Variants in DAB1 observed in about 807,000 individuals in gnomAD.
The protein encoded by DAB1 is disabled homolog 1.
DAB1 carries 15 observed loss-of-function variants against 64.6 expected under a neutral mutation model. The observed-to-expected ratio is 0.23, with a 90% CI of 0.16 to 0.36. The LOEUF (loss-of-function observed/expected upper bound fraction) is 0.36. Among genes scored for constraint, DAB1 ranks in the 10% least tolerant of loss-of-function variants. DAB1 has a pLI of 1.00. For synonymous variants in DAB1, 235 were observed against 251.9 expected, an observed-to-expected ratio of 0.93 and a Z score of 0.64; for missense variants, 596 against 706.7, an observed-to-expected ratio of 0.84 and a Z score of 1.78.
At chr1:57,628,490 C>T (rs931335564) in intron 7 of DAB1, among the ~76,000 whole-genome samples, 6 of 152,148 alleles carry the variant, frequency 3.9e-5, no homozygotes, top group Non-Finnish European at 7.3e-5. Context: ...ATCACACATT[C>T]GCTGAGTGGC....
chr1:58,353,275 C>T (rs923340442), intron 3 of DAB1, among the ~76,000 whole-genome samples: 2 of 152,172 alleles, frequency 1.3e-5, no homozygotes, highest in Non-Finnish European at 2.9e-5. Context: ...ACATTTTGAT[C>T]ACCAGGAGAT....
intron 4 of DAB1, among the ~76,000 whole-genome samples, chr1:58,171,889 C>T (rs1257137852): frequency 6.6e-6 from 1 of 152,220 alleles, no homozygotes; most frequent in Non-Finnish European, 1.5e-5. Flanking sequence ...CCCAGCTTTG[C>T]CTACAGCAGG....
chr1:58,511,649 A>T (rs1287357406), intron 2 of DAB1, among the ~76,000 whole-genome samples: 1 of 152,068 alleles, frequency 6.6e-6, no homozygotes, highest in African/African-American at 2.4e-5. Flanking sequence ...ACACACACAC[A>T]CACAAACCCC....
intron 3 of DAB1, among the ~76,000 whole-genome samples, chr1:58,351,385 T>A (rs2406651): frequency 0.28 from 42,259 of 152,072 alleles, 7,161 homozygotes; most frequent in Admixed American, 0.44. Context: ...ATATCTCATG[T>A]CCTTCTCACT....
intron 7 of DAB1, among the ~76,000 whole-genome samples, chr1:57,472,833 C>T (rs1328535109): frequency 2.6e-5 from 4 of 152,148 alleles, no homozygotes. Context: ...ATACTCTACT[C>T]TTATCATTTG....
chr1:57,060,370 T>C (rs1650265834), intron 9 of DAB1, among the ~76,000 whole-genome samples: 1 of 152,024 alleles, frequency 6.6e-6, no homozygotes, highest in Non-Finnish European at 1.5e-5. Context: ...CAGGCTGGTC[T>C]CGAACTCCTG....
chr1:57,124,218 A>G (rs1656924331), intron 4 of DAB1, among the ~76,000 whole-genome samples: 1 of 152,232 alleles, frequency 6.6e-6, no homozygotes, highest in African/African-American at 2.4e-5. Context: ...TATCAGATGA[A>G]GAAGTTTTTG....
rs561746096 is a variant in DAB1, at chr1:57,036,107, A to G, written c.724-10064T>C. On this transcript the variant is annotated intron_variant, in intron 9 of 14. Transcript: ENST00000371236. ...TCCTCAGCCACCAAGCCCAGCCCCA[A>G]TGCACATATTTTTTTAATGCTAGGA... is the stretch of plus-strand genomic sequence containing the variant. Among the ~76,000 whole-genome samples the G allele has an allele frequency of 6.4e-3, 792 of 123,642 alleles. 6 individuals carry two copies. Among genetic ancestry groups the G allele is most frequent in the African/African-American group, 0.023 (702 of 30,666 alleles). The allele number at this position is 123,642 out of a possible 152,430, so 81.1% of individuals were successfully genotyped here. A position where few individuals can be genotyped will look rare whatever the true frequency, so the allele number is the denominator to read the frequency against.
At chr1:57,103,416 C>T (rs1291916533) in intron 4 of DAB1, among the ~76,000 whole-genome samples, 4 of 152,196 alleles carry the variant, frequency 2.6e-5, no homozygotes, top group African/African-American at 9.7e-5. Context: ...AAGCAAGACA[C>T]TTAACCTCTC....
At chr1:57,630,767 G>C (rs1175096141) in intron 7 of DAB1, among the ~76,000 whole-genome samples, 1 of 152,124 alleles carries the variant, frequency 6.6e-6, no homozygotes, top group Non-Finnish European at 1.5e-5. Context: ...AATATCCACG[G>C]ATTTGTTGGT....
At chr1:57,145,158 A>T in intron 3 of DAB1, 132 bp downstream of exon 3, 1 of 844,062 alleles carries the variant, frequency 1.2e-6, no homozygotes, top group Non-Finnish European at 1.8e-6. Context: ...ATGAAAAAAT[A>T]TGGTGATTCA....
At chr1:57,149,738 TG>T (rs1029450011) in intron 2 of DAB1, among the ~76,000 whole-genome samples, 1 of 152,176 alleles carries the variant, frequency 6.6e-6, no homozygotes, top group African/African-American at 2.4e-5. Flanking sequence ...GGAATCACTA[TG>T]GGGCTTCCTA....
chr1:57,475,816 T>A (rs751410075), intron 7 of DAB1, among the ~76,000 whole-genome samples: 1 of 152,220 alleles, frequency 6.6e-6, no homozygotes, highest in Non-Finnish European at 1.5e-5. Flanking sequence ...GGGAACTGTG[T>A]CTTGTTATCT....
At chr1:57,886,187 A>G (rs552688369), upstream of DAB1, among the ~76,000 whole-genome samples, 31 of 135,012 alleles carry the variant, frequency 2.3e-4, 1 homozygote, top group Non-Finnish European at 4.2e-4. Context: ...TTTTTTTGAG[A>G]CGAAGTCTCC....
intron 4 of DAB1, among the ~76,000 whole-genome samples, chr1:58,261,943 C>A (rs553417382): frequency 1.3e-5 from 2 of 151,974 alleles, no homozygotes; most frequent in African/African-American, 2.4e-5. Flanking sequence ...TTAATTTTTG[C>A]AAAAATAGTG....
At chr1:57,531,753 G>C (rs961085727) in intron 7 of DAB1, among the ~76,000 whole-genome samples, 6 of 152,148 alleles carry the variant, frequency 3.9e-5, no homozygotes, top group Non-Finnish European at 7.4e-5. Context: ...AACCAGCTCT[G>C]TGAGAAAAAC....
At chr1:57,206,904 C>G (rs1665584541) in intron 2 of DAB1, among the ~76,000 whole-genome samples, 1 of 149,946 alleles carries the variant, frequency 6.7e-6, no homozygotes, top group South Asian at 2.1e-4. Context: ...ATCCCAGACA[C>G]TTAAATGACA....
chr1:57,420,496 T>C (rs923921278), intron 1 of DAB1, among the ~76,000 whole-genome samples: 1 of 152,246 alleles, frequency 6.6e-6, no homozygotes, highest in Admixed American at 6.5e-5. Context: ...CATTCCTGAC[T>C]CTTAGTAGTA....
chr1:57,220,743 C>A (rs903350660), intron 2 of DAB1, among the ~76,000 whole-genome samples: 2 of 152,140 alleles, frequency 1.3e-5, no homozygotes, highest in Non-Finnish European at 2.9e-5. Flanking sequence ...ATTAAAAAGT[C>A]AGGAAACAAC....
Sources: gnomAD v4.1 joint callset for allele counts (sites outside exome capture counted in the v4.1 genomes callset) on GRCh38, gnomAD v4.1.1 for gene constraint, MANE v1.5 for transcripts, NCBI Gene and HGNC (gene_info 2026-07-23, HGNC 2026-07-21) for gene names.